MYBBP1A: variants seen among roughly 807,000 people sequenced by gnomAD.
MYBBP1A encodes MYB binding protein 1a.
A neutral mutation model predicts 136.3 loss-of-function variants in MYBBP1A; 147 were observed. The observed-to-expected ratio is 1.08, with a 90% CI of 0.94 to 1.24. The LOEUF is 1.24. Ranked by LOEUF, MYBBP1A falls within the 50% of genes most tolerant of loss-of-function variation. The pLI, the probability that MYBBP1A is intolerant of heterozygous loss-of-function variation, is 0.00. For missense variants in MYBBP1A, 2,060 were observed against 1,727.4 expected (o/e 1.19, Z -3.41); for synonymous variants, 947 against 735.8 (o/e 1.29, Z -4.65).
chr17:4,547,800 G>T (rs1907131110), intron 13 of MYBBP1A, 158 bp downstream of exon 13: 2 of 583,572 alleles, frequency 3.4e-6, no homozygotes. Context: ...CCGGAGGGAT[G>T]TTTCCACCTG....
Position 4,552,321 on chromosome 17 carries a change from CT to C in MYBBP1A, c.738-30del. On this transcript the variant is annotated intron_variant, in intron 6 of 25. Transcript: ENST00000254718. The surrounding 1 kb of genome is among the most constrained non-coding windows in gnomAD (Gnocchi z 4.7). ...CGGAGGGCAAGGGACTCAGGGAACA[CT>C]TGCCTCACAGGCAAGGGCCAGGGTG... The C allele has an allele frequency of 1.9e-6, 3 of 1,612,850 alleles. No homozygotes were observed. Among genetic ancestry groups the C allele is most frequent in the Non-Finnish European group, 2.5e-6 (3 of 1,179,610 alleles).
intron 24 of MYBBP1A, among the ~76,000 whole-genome samples, chr17:4,540,738 C>G (rs183464110): frequency 3.9e-5 from 6 of 152,258 alleles, no homozygotes; most frequent in Non-Finnish European, 7.4e-5. Context: ...TCCCCTCCAG[C>G]AGTGGCCCGG....
At position 4,545,275 on chromosome 17, in the gene MYBBP1A, C is replaced by G; in HGVS notation, c.2144G>C (p.Arg715Pro). The G allele has an allele frequency of 1.2e-6, 2 of 1,613,168 alleles. No individual in the cohort carries two copies. The highest frequency in any genetic ancestry group is 1.7e-6 in the Non-Finnish European group (2 of 1,179,962). Residue 715 changes from arginine (R) to proline (P), a missense_variant, in exon 16 of 26, where the codon CGG becomes CCG. Coordinates refer to ENST00000254718, the MANE Select transcript of MYBBP1A (RefSeq NM_014520.4). ...VVVTDDSDER[R>P]LKGAEDKSEE... ...TGGCAACACCTCTGCACCCTTCAGC[C>G]GCCGCTCATCAGAATCGTCCGTCAC...
At chr17:4,540,659 A>C (rs751431837) in intron 24 of MYBBP1A, among the ~76,000 whole-genome samples, 175 bp from the exon 25 acceptor site, 2 of 149,906 alleles carry the variant, frequency 1.3e-5, no homozygotes, top group African/African-American at 2.4e-5. Flanking sequence ...GAGGGAGGAA[A>C]CACGCGCCCC....
Position 4,541,829 on chromosome 17 carries a change from G to A in MYBBP1A, c.3150C>T (p.Pro1050=), listed in dbSNP as rs544222021. 3.0e-5 allele frequency: 48 copies of A among 1,614,078 alleles called. No individual in the cohort carries two copies. The highest frequency in any genetic ancestry group is 2.0e-4 in the East Asian group (9 of 44,892). Reference sequence around the variant, plus strand: ...CCTGGCCCATCAGCTGCTTCCACTCGGGGTCCTCAAAGCACGACCTCACCT... The same window carrying A: ...CCTGGCCCATCAGCTGCTTCCACTCAGGGTCCTCAAAGCACGACCTCACCT... ...MREVRSCFED[P]EWKQLMGQVL... The change falls in exon 23 of 26, where the codon CCC becomes CCT. Residue 1050 remains proline, a synonymous_variant. Coordinates refer to ENST00000254718, the MANE Select transcript of MYBBP1A (RefSeq NM_014520.4).
chr17:4,542,588 A>G (rs1464861650), intron 21 of MYBBP1A, 28 bp downstream of exon 21: 2 of 1,613,478 alleles, frequency 1.2e-6, no homozygotes, highest in Middle Eastern at 1.7e-4. Context: ...AGGGACCATG[A>G]GGAAGCAGGG....
At chr17:4,553,735 A>G (rs1907748744) in intron 5 of MYBBP1A, 75 bp downstream of exon 5, 2 of 1,115,806 alleles carry the variant, frequency 1.8e-6, no homozygotes, top group Admixed American at 3.6e-5. Context: ...GTGCTGTTCC[A>G]GATTCTCATC....
rs1382708859 is a variant in MYBBP1A, at chr17:4,544,445, G to A, written c.2639+44C>T. 1.9e-6 allele frequency: 3 copies of A among 1,539,820 alleles called. No homozygotes were observed. In the African/African-American group the frequency reaches 4.1e-5, roughly 21 times the overall value. On this transcript the variant is annotated intron_variant, in intron 19 of 25. Transcript: ENST00000254718. ...TAGAGCTCTGGCTCTCCTGCGCCTGGGGGCTGCCGGCCACACCTGCCCGCC... is the reference window on the plus strand; with the variant it reads ...TAGAGCTCTGGCTCTCCTGCGCCTGAGGGCTGCCGGCCACACCTGCCCGCC...
Position 4,539,262 on chromosome 17 carries a change from G to C in MYBBP1A, c.*153C>G, listed in dbSNP as rs904014404. On this transcript the variant is annotated 3_prime_UTR_variant, in exon 26 of 26. Coordinates refer to ENST00000254718, the MANE Select transcript of MYBBP1A (RefSeq NM_014520.4). The stretch of plus-strand genomic sequence containing the variant: ...AATGGCTCAGGCTGTGCTTGCCAGA[G>C]CAGGATGCCCGGGCAGGCGGCAACA... 9 of 1,488,560 alleles carry C rather than the reference G, an allele frequency of 6.0e-6. No homozygotes were observed. Among genetic ancestry groups the C allele is most frequent in the African/African-American group, 4.2e-5 (3 of 71,058 alleles). The allele number at this position is 1,488,560 out of a possible 1,614,324, so 92.2% of individuals were successfully genotyped here.
In MYBBP1A at chr17:4,545,656, T is replaced by C. The variant is rs772128410; in HGVS notation, c.2027A>G (p.His676Arg). The C allele has an allele frequency of 6.2e-7, 1 of 1,610,416 alleles. No homozygotes were observed. Among genetic ancestry groups the C allele is most frequent in the Non-Finnish European group, 8.5e-7 (1 of 1,177,476 alleles). Residue 676 changes from histidine to arginine, a missense_variant, in exon 15 of 26, where the codon CAC (histidine) becomes CGC (arginine). Physicochemically the swap from His to Arg is conservative, Grantham distance 29. Transcript: ENST00000254718. ...ACGCGGGGTCAGGTGGGAGCAGATG[T>C]GGCCAAACACGCTCCGGGCCACCTG... Reference protein sequence around the residue: ...MRQVARSVFGHICSHLTPRAL... With the variant: ...MRQVARSVFGRICSHLTPRAL...
chr17:4,552,070 T>G lies in MYBBP1A; in HGVS notation c.905+55A>C. 6.2e-7 allele frequency: 1 copy of G among 1,600,174 alleles called. No homozygotes were observed. The highest frequency in any genetic ancestry group is 8.5e-7 in the Non-Finnish European group (1 of 1,172,266). On this transcript the variant is annotated intron_variant, in intron 7 of 25. Coordinates refer to ENST00000254718, the MANE Select transcript of MYBBP1A (RefSeq NM_014520.4). This position sits in a 1 kb window ranked among gnomAD's most constrained non-coding sequence, Gnocchi z 4.7. ...GGTGGGAACCTCAGGACTAGTGGCCTAGCCCACTTCACGGACAGGGAAGGG... is the reference window on the plus strand; with the variant it reads ...GGTGGGAACCTCAGGACTAGTGGCCGAGCCCACTTCACGGACAGGGAAGGG...
Position 4,551,953 on chromosome 17 carries a change from GTC to G in MYBBP1A, c.948_949del (p.Thr317GlnfsTer24). The G allele has an allele frequency of 6.2e-7, 1 of 1,612,776 alleles. No homozygotes were observed. Among genetic ancestry groups the G allele is most frequent in the Non-Finnish European group, 8.5e-7 (1 of 1,179,268 alleles). On this transcript the variant is annotated frameshift_variant, in exon 8 of 26. Transcript: ENST00000254718. LOFTEE classifies it high-confidence loss of function. ...CATCACCAGGTGCAGCTGCTCCTTG[GTC>G]AGCAGGGGCAGGGCCGCGCCCAGCA...
In MYBBP1A at chr17:4,541,852, C is replaced by A. The variant is rs901236038; in HGVS notation, c.3127G>T (p.Val1043Leu). 2.5e-6 allele frequency: 4 copies of A among 1,614,076 alleles called. No individual in the cohort carries two copies. The highest frequency in any genetic ancestry group is 2.5e-6 in the Non-Finnish European group (3 of 1,180,024). Reference protein sequence around the residue: ...LLQKTLSMREVRSCFEDPEWK... With the variant: ...LLQKTLSMRELRSCFEDPEWK... ...TCGGGGTCCTCAAAGCACGACCTCA[C>A]CTCCCGCATGGACAGGGTCTTCTGG... The change falls in exon 23 of 26, where the codon GTG becomes TTG. Residue 1043 changes from valine (V) to leucine (L), a missense_variant. Physicochemically the swap from Val to Leu is conservative, Grantham distance 32 (BLOSUM62 1). Transcript: ENST00000254718.
At chr17:4,539,999 C>A in intron 25 of MYBBP1A, 32 bp from the exon 26 acceptor site, 1 of 1,582,766 alleles carries the variant, frequency 6.3e-7, no homozygotes, top group Middle Eastern at 1.7e-4. Context: ...TAGAAGGTGC[C>A]CATCGAGGGC....
chr17:4,543,268 C>G, intron 19 of MYBBP1A, 103 bp from the exon 20 acceptor site: 1 of 1,434,406 alleles, frequency 7.0e-7, no homozygotes. Context: ...GGAAACAGAC[C>G]TAGAAGACGA....
rs781521840 is a variant in MYBBP1A, at chr17:4,545,846, C to A, written c.1921G>T (p.Asp641Tyr). Residue 641 changes from aspartate (D) to tyrosine (Y), a missense_variant and splice_region_variant, in exon 14 of 26, where the codon GAC becomes TAC. By Grantham distance (160) the Asp-to-Tyr change is radical. Transcript: ENST00000254718. ...KPRRSRTKTIDPQEPPWVEVL... is the reference protein window; with the variant it reads ...KPRRSRTKTIYPQEPPWVEVL... The stretch of plus-strand genomic sequence containing the variant: ...GTCCCTCTCGTGACCAAGGACCCAC[C>A]GATGGTCTTGGTGCGGCTCCGGCGG... 4 of 1,612,884 alleles carry A rather than the reference C, an allele frequency of 2.5e-6. No individual in the cohort carries two copies.
intron 5 of MYBBP1A, among the ~76,000 whole-genome samples, 168 bp downstream of exon 5, chr17:4,553,642 T>C (rs1363804733): frequency 6.6e-6 from 1 of 152,266 alleles, no homozygotes; most frequent in Non-Finnish European, 1.5e-5. Flanking sequence ...TAAATGTTAC[T>C]AAATGACACC....
At chr17:4,544,392 T>G (rs1906752077) in intron 19 of MYBBP1A, 97 bp downstream of exon 19, 1 of 1,479,362 alleles carries the variant, frequency 6.8e-7, no homozygotes, top group South Asian at 1.3e-5. Context: ...GAAGCTTGGC[T>G]CTCTCCTTCC....
chr17:4,540,764 A>C (rs1906338538), intron 24 of MYBBP1A, among the ~76,000 whole-genome samples: 1 of 151,646 alleles, frequency 6.6e-6, no homozygotes, highest in East Asian at 1.9e-4. Flanking sequence ...CCCACCTCCA[A>C]GAGGGCCACT....
Sources: gnomAD v4.1 joint callset for allele counts (sites outside exome capture counted in the v4.1 genomes callset) on GRCh38, gnomAD v4.1.1 for gene constraint, Gnocchi (gnomAD v3.1) non-coding constraint, MANE v1.5 for transcripts, NCBI Gene and HGNC (gene_info 2026-07-23, HGNC 2026-07-21) for gene names.